PLCB1: variants seen among roughly 807,000 people sequenced by gnomAD.
The protein encoded by PLCB1 is phospholipase C beta 1.
PLCB1 carries 46 observed loss-of-function variants against 161.8 expected under a neutral mutation model. That is an observed-to-expected ratio of 0.28 (90% CI 0.22 to 0.36). PLCB1 has a LOEUF of 0.36. PLCB1 is among the 10% of genes least tolerant of loss of function. The pLI is 1.00. For missense variants in PLCB1, 1,016 were observed against 1,472.5 expected (o/e 0.69, Z 5.07); for synonymous variants, 517 against 503.7 (o/e 1.03, Z -0.35).
At position 8,782,837 on chromosome 20, in the gene PLCB1, C is replaced by T. The variant is rs374494766; in HGVS notation, c.3112-5612C>T. On this transcript the variant is annotated intron_variant, in intron 27 of 31. Transcript: ENST00000338037. ...AAGGGAAAGGAAGATGTGTTGAGCCCGAAATATGAATATTCTAGACTTGGC... is the reference window on the plus strand; with the variant it reads ...AAGGGAAAGGAAGATGTGTTGAGCCTGAAATATGAATATTCTAGACTTGGC... 2.1e-3 allele frequency among the ~76,000 whole-genome samples: 313 copies of T among 152,250 alleles called. 8 individuals carry two copies. In the South Asian group the frequency reaches 0.044, roughly 21 times the overall value.
intron 3 of PLCB1, among the ~76,000 whole-genome samples, chr20:8,451,305 A>T (rs1981065253): frequency 6.6e-6 from 1 of 152,106 alleles, no homozygotes; most frequent in Admixed American, 6.6e-5. Context: ...TGGTAAATAG[A>T]TTTATTTTTG....
chr20:8,402,467 C>A (rs1978595263), intron 3 of PLCB1, among the ~76,000 whole-genome samples: 1 of 152,022 alleles, frequency 6.6e-6, no homozygotes, highest in South Asian at 2.1e-4. Context: ...TTTCTAACCA[C>A]CTTTTATTAA....
rs1311494552 is a variant in PLCB1 at position 8,600,283 on chromosome 20, G to A, written c.247-28011G>A. On this transcript the variant is annotated intron_variant, in intron 3 of 31. Coordinates refer to ENST00000338037, the MANE Select transcript of PLCB1 (RefSeq NM_015192.4). The stretch of plus-strand genomic sequence containing the variant: ...TGATGTACAGATGGGTTTTTGGTGT[G>A]GATGTCCTTTCTGTTTGTTAGTTTT... Among the ~76,000 whole-genome samples the A allele has an allele frequency of 9.4e-4, 108 of 114,466 alleles. No homozygotes were observed. The East Asian group carries it at 0.022, about 24-fold the overall frequency. The allele number at this position is 114,466 out of a possible 152,430, so 75.1% of individuals were successfully genotyped here. A position where few individuals can be genotyped will look rare whatever the true frequency, so the allele number is the denominator to read the frequency against.
chr20:8,378,344 T>C (rs1032679225), intron 3 of PLCB1, among the ~76,000 whole-genome samples: 10 of 152,146 alleles, frequency 6.6e-5, no homozygotes, highest in Non-Finnish European at 7.4e-5. Context: ...AACAACACAA[T>C]ACAGTGAATA....
In PLCB1 at chr20:8,684,169, C is replaced by T. The variant is rs376990495; in HGVS notation, c.863-763C>T. Among the ~76,000 whole-genome samples the T allele has an allele frequency of 2.9e-3, 445 of 151,422 alleles. 1 individual carries two copies. The highest frequency in any genetic ancestry group is 9.7e-3 in the African/African-American group (402 of 41,250). ...AAAGTGCTGGGATTACAGGCGTGAG[C>T]CACCGCGCCCAGCCCCAAAAACACT... On this transcript the variant is annotated intron_variant, in intron 9 of 31. Coordinates refer to ENST00000338037, the MANE Select transcript of PLCB1 (RefSeq NM_015192.4).
At chr20:8,399,473 T>A (rs890549457) in intron 3 of PLCB1, among the ~76,000 whole-genome samples, 1 of 152,176 alleles carries the variant, frequency 6.6e-6, no homozygotes, top group Non-Finnish European at 1.5e-5. Context: ...TTTTACTATT[T>A]CATTGTTCAG....
rs191630713 is a variant in PLCB1, at chr20:8,389,367, G to T, written c.246+17917G>T. Among the ~76,000 whole-genome samples, 629 of 152,312 alleles carry T rather than the reference G, an allele frequency of 4.1e-3. 4 individuals are homozygous for T. Among genetic ancestry groups the T allele is most frequent in the Non-Finnish European group, 6.0e-3 (405 of 68,024 alleles). ...TACCTTATTGCCAAAGGGTTCTAAA[G>T]GACCTGGAGAGGTTGTAGAGAAGGT... is the stretch of plus-strand genomic sequence containing the variant. On this transcript the variant is annotated intron_variant, in intron 3 of 31. Coordinates refer to ENST00000338037, the MANE Select transcript of PLCB1 (RefSeq NM_015192.4).
chr20:8,143,011 A>G (rs962722736), intron 1 of PLCB1, among the ~76,000 whole-genome samples: 2 of 152,154 alleles, frequency 1.3e-5, no homozygotes, highest in Non-Finnish European at 1.5e-5. Flanking sequence ...CTTCATTATT[A>G]TCTGACACCA....
At chr20:8,451,627 G>T (rs1396406395) in intron 3 of PLCB1, among the ~76,000 whole-genome samples, 1 of 151,998 alleles carries the variant, frequency 6.6e-6, no homozygotes, top group Non-Finnish European at 1.5e-5. Context: ...TGGGATTACG[G>T]GTGTGAGCCA....
intron 3 of PLCB1, among the ~76,000 whole-genome samples, chr20:8,541,603 A>AG (rs1283448128): frequency 1.3e-5 from 2 of 151,814 alleles, no homozygotes; most frequent in Admixed American, 6.6e-5. Context: ...AAAGAAAGAA[A>AG]GAAAGGAAGG....
At chr20:8,548,935 A>T (rs1985671844) in intron 3 of PLCB1, among the ~76,000 whole-genome samples, 1 of 152,206 alleles carries the variant, frequency 6.6e-6, no homozygotes, top group Admixed American at 6.5e-5. Flanking sequence ...CCAGCAAATG[A>T]TTTTCAGTGA....
At chr20:8,735,801 A>G (rs1980550719) in intron 19 of PLCB1, among the ~76,000 whole-genome samples, 2 of 152,232 alleles carry the variant, frequency 1.3e-5, no homozygotes, top group Admixed American at 6.5e-5. Context: ...GATTGTTGCT[A>G]GCAGGTCCCA....
intron 3 of PLCB1, among the ~76,000 whole-genome samples, chr20:8,541,782 A>G (rs1985342860): frequency 6.6e-6 from 1 of 152,200 alleles, no homozygotes; most frequent in African/African-American, 2.4e-5. Context: ...GAAGTTTTGA[A>G]TCAATACTGA....
At chr20:8,705,844 TATG>T (rs1167263854) in intron 11 of PLCB1, among the ~76,000 whole-genome samples, 1 of 152,080 alleles carries the variant, frequency 6.6e-6, no homozygotes, top group Non-Finnish European at 1.5e-5. Context: ...CTGTGTAGAT[TATG>T]ATAATGAATT....
chr20:8,288,090 G>T (rs1413697123), intron 2 of PLCB1, among the ~76,000 whole-genome samples: 4 of 152,144 alleles, frequency 2.6e-5, no homozygotes, highest in Non-Finnish European at 5.9e-5. Context: ...TAGGCTAGTT[G>T]CAGAGGACCC....
At chr20:8,798,463 A>T (rs976814957) in intron 31 of PLCB1, among the ~76,000 whole-genome samples, 2 of 152,148 alleles carry the variant, frequency 1.3e-5, no homozygotes, top group Non-Finnish European at 2.9e-5. Context: ...CTGTCTCTCT[A>T]ATGATGGACC....
chr20:8,646,947 G>C (rs1012340253), intron 5 of PLCB1, among the ~76,000 whole-genome samples: 2 of 152,150 alleles, frequency 1.3e-5, no homozygotes, highest in Non-Finnish European at 2.9e-5. Flanking sequence ...ACAGAGTTCT[G>C]TCTTCCCTCT....
At chr20:8,763,039 C>G (rs559985043) in intron 25 of PLCB1, among the ~76,000 whole-genome samples, 2 of 152,154 alleles carry the variant, frequency 1.3e-5, no homozygotes, top group South Asian at 4.2e-4. Context: ...GTTAAGATAC[C>G]ATCAGTTGTA....
intron 31 of PLCB1, among the ~76,000 whole-genome samples, chr20:8,825,581 A>G (rs528537891): frequency 2.6e-5 from 4 of 152,310 alleles, no homozygotes; most frequent in African/African-American, 7.2e-5. Context: ...AGAATATACA[A>G]TGGAGCCAGA....
Sources: gnomAD v4.1 joint callset for allele counts (sites outside exome capture counted in the v4.1 genomes callset) on GRCh38, gnomAD v4.1.1 for gene constraint, MANE v1.5 for transcripts, NCBI Gene and HGNC (gene_info 2026-07-23, HGNC 2026-07-21) for gene names.